The following PRKCH variants were observed in gnomAD, a reference collection of about 807,000 sequenced individuals.
PRKCH encodes the protein protein kinase C eta type.
In PRKCH, 28 loss-of-function variants were observed where a neutral mutation model predicts 82.5. The observed-to-expected ratio is 0.34, with a 90% confidence interval of 0.25 to 0.47. The LOEUF is 0.47. Among genes scored for constraint, PRKCH ranks in the 20% least tolerant of loss-of-function variants. The pLI, the probability that PRKCH is intolerant of heterozygous loss-of-function variation, is 1.00. For missense variants in PRKCH, 705 were observed against 881.8 expected, an observed-to-expected ratio of 0.80 and a Z score of 2.54; for synonymous variants, 322 against 327.4, an observed-to-expected ratio of 0.98 and a Z score of 0.18.
chr14:61,337,007 G>C (rs1261674079), intron 1 of PRKCH, among the ~76,000 whole-genome samples: 2 of 150,524 alleles, frequency 1.3e-5, no homozygotes, highest in Non-Finnish European at 2.9e-5. Flanking sequence ...AGGCGAGGTG[G>C]AGGTTGCAGT....
Position 61,465,462 on chromosome 14 carries a change from AC to A in PRKCH, c.1278+7785del, listed in dbSNP as rs200933353. 4.7e-4 allele frequency among the ~76,000 whole-genome samples: 71 copies of A among 152,298 alleles called. No homozygotes were observed. In the East Asian group the frequency reaches 0.012, roughly 25 times the overall value. On this transcript the variant is annotated intron_variant, in intron 9 of 13. Transcript: ENST00000332981. ...CATGTAGATATCCAGTTTTTTCAAC[AC>A]CATTTATTGAAGGGACAGTCCTTTC...
intron 1 of PRKCH, among the ~76,000 whole-genome samples, chr14:61,237,403 C>CTACATTCTGA (rs1323152022): frequency 4.6e-5 from 7 of 152,262 alleles, no homozygotes; most frequent in African/African-American, 1.7e-4. Context: ...TGAAAAAAAT[C>CTACATTCTGA]TACATTCTGT....
intron 1 of PRKCH, among the ~76,000 whole-genome samples, chr14:61,257,965 G>A (rs957174052): frequency 3.3e-5 from 4 of 122,600 alleles, no homozygotes; most frequent in African/African-American, 5.0e-5. Context: ...TATATCATTC[G>A]TTTTATGGAT....
intron 1 of PRKCH, among the ~76,000 whole-genome samples, chr14:61,262,221 A>T (rs80066619): frequency 1.4e-5 from 2 of 147,726 alleles, no homozygotes; most frequent in African/African-American, 5.0e-5. Flanking sequence ...ACTCTGTATA[A>T]AAAAAAAAAA....
rs150871883 is a variant in PRKCH, at chr14:61,322,332, C to T, written c.231C>T (p.Thr77=). 6.2e-6 allele frequency: 10 copies of T among 1,613,216 alleles called. No homozygotes were observed. In the African/African-American group the frequency reaches 1.1e-4, roughly 17 times the overall value. Reference sequence around the variant, plus strand: ...ACGAGGAGTTTTGCGCTAACGTCACCGACGGCGGCCACCTCGAGTTGGCCG... The same window carrying T: ...ACGAGGAGTTTTGCGCTAACGTCACTGACGGCGGCCACCTCGAGTTGGCCG... ...TYNEEFCANV[T]DGGHLELAVF... The change falls in exon 1 of 14, where the codon ACC becomes ACT. Residue 77 remains threonine, a synonymous_variant. Transcript: ENST00000332981.
chr14:61,221,991 C>T (rs1281815055), intron 1 of PRKCH, among the ~76,000 whole-genome samples: 3 of 152,120 alleles, frequency 2.0e-5, no homozygotes, highest in Admixed American at 6.5e-5. Context: ...AGGGTTCTCT[C>T]GGGTCTGAGA....
intron 2 of PRKCH, among the ~76,000 whole-genome samples, chr14:61,431,450 C>T (rs951416257): frequency 6.6e-6 from 1 of 152,280 alleles, no homozygotes; most frequent in East Asian, 1.9e-4. Context: ...TTTTAATATA[C>T]TTTAACTCCT....
chr14:61,496,688 A>G (rs1481954845), intron 10 of PRKCH, among the ~76,000 whole-genome samples: 1 of 152,202 alleles, frequency 6.6e-6, no homozygotes, highest in Non-Finnish European at 1.5e-5. Context: ...GTGGCTGTCC[A>G]AGCCCAGCCC....
At chr14:61,256,389 A>G (rs1427973222) in intron 1 of PRKCH, among the ~76,000 whole-genome samples, 2 of 152,156 alleles carry the variant, frequency 1.3e-5, no homozygotes, top group East Asian at 1.9e-4. Flanking sequence ...TTGGTTTCTG[A>G]GCATAGAACC....
chr14:61,305,324 T>C (rs2045478832), intron 1 of PRKCH: 1 of 151,692 alleles, frequency 6.6e-6, no homozygotes, highest in Non-Finnish European at 1.5e-5. Flanking sequence ...GCTAGGACTA[T>C]AGACATGTGC....
intron 9 of PRKCH, among the ~76,000 whole-genome samples, chr14:61,458,403 TG>T: frequency 6.6e-6 from 1 of 152,214 alleles, no homozygotes; most frequent in Non-Finnish European, 1.5e-5. Context: ...TCAGTGACAT[TG>T]GACATGTCTT....
intron 1 of PRKCH, among the ~76,000 whole-genome samples, chr14:61,296,478 G>A (rs548029029): frequency 2.0e-5 from 3 of 152,296 alleles, no homozygotes; most frequent in Admixed American, 1.3e-4. Flanking sequence ...AGCTGTGAAG[G>A]TCATGCCACG....
chr14:61,242,310 C>T (rs1030542690), intron 1 of PRKCH, among the ~76,000 whole-genome samples: 7 of 152,176 alleles, frequency 4.6e-5, no homozygotes, highest in African/African-American at 1.7e-4. Context: ...GTTTGGAACA[C>T]CCAAAGCCTA....
chr14:61,522,463 A>G (rs573018924), intron 10 of PRKCH, among the ~76,000 whole-genome samples: 23 of 152,206 alleles, frequency 1.5e-4, no homozygotes, highest in African/African-American at 5.5e-4. Flanking sequence ...CTCGCCACCC[A>G]GGACTCCAAC....
chr14:61,394,274 A>T (rs2046733759), intron 2 of PRKCH, among the ~76,000 whole-genome samples: 1 of 152,206 alleles, frequency 6.6e-6, no homozygotes, highest in South Asian at 2.1e-4. Context: ...CATAAAAAAA[A>T]AAACTGTTCA....
At chr14:61,193,140 T>G (rs192806051) in intron 1 of PRKCH, among the ~76,000 whole-genome samples, 7 of 152,270 alleles carry the variant, frequency 4.6e-5, no homozygotes, top group Admixed American at 4.6e-4. Flanking sequence ...CTAGAAGTAA[T>G]TATGGACATC....
intron 1 of PRKCH, among the ~76,000 whole-genome samples, chr14:61,204,871 T>C (rs2044510477): frequency 6.6e-6 from 1 of 152,200 alleles, no homozygotes; most frequent in Non-Finnish European, 1.5e-5. Context: ...GAATTATTTC[T>C]AGAGAATGAA....
At chr14:61,275,025 G>T (rs564614005) in intron 1 of PRKCH, among the ~76,000 whole-genome samples, 2 of 152,220 alleles carry the variant, frequency 1.3e-5, no homozygotes, top group East Asian at 3.9e-4. Context: ...AATAGAAGCT[G>T]TTTTACATGC....
chr14:61,495,742 A>G (rs991629857), intron 10 of PRKCH, among the ~76,000 whole-genome samples: 19 of 152,214 alleles, frequency 1.2e-4, no homozygotes, highest in African/African-American at 4.6e-4. Flanking sequence ...AATACAGGAA[A>G]TAAAACAGAC....
Sources: gnomAD v4.1 joint callset for allele counts (sites outside exome capture counted in the v4.1 genomes callset) on GRCh38, gnomAD v4.1.1 for gene constraint, MANE v1.5 for transcripts, NCBI Gene and HGNC (gene_info 2026-07-23, HGNC 2026-07-21) for gene names.